Variants in PLPPR4 observed in about 807,000 individuals in gnomAD.
PLPPR4 encodes the protein phospholipid phosphatase related 4, also known as phospholipid phosphatase-related protein type 4.
Under a neutral mutation model 56.6 loss-of-function variants are expected in PLPPR4, and 24 were observed. The ratio of observed to expected loss-of-function variants is 0.42; its 90% CI spans 0.31 to 0.60. The LOEUF is 0.60. Ranked by LOEUF, PLPPR4 falls within the 20% of genes least tolerant of loss-of-function variation. The pLI is 0.13. For missense variants in PLPPR4, 654 were observed against 885.8 expected (o/e 0.74, Z 3.32); for synonymous variants, 326 against 328.1 (o/e 0.99, Z 0.07).
intron 6 of PLPPR4, among the ~76,000 whole-genome samples, chr1:99,305,242 A>G (rs1460992090): frequency 6.6e-6 from 1 of 152,282 alleles, no homozygotes; most frequent in South Asian, 2.1e-4. Flanking sequence ...ATATTGTTCT[A>G]TATTTTGTAC....
chr1:99,290,365 A>G (rs1486022857), intron 2 of PLPPR4, among the ~76,000 whole-genome samples: 2 of 152,128 alleles, frequency 1.3e-5, no homozygotes, highest in African/African-American at 4.8e-5. Context: ...TGGCCATACC[A>G]TCCAAAGCAA....
At chr1:99,264,978 TC>T (rs1210927198) in intron 1 of PLPPR4, among the ~76,000 whole-genome samples, 1 of 152,232 alleles carries the variant, frequency 6.6e-6, no homozygotes, top group Non-Finnish European at 1.5e-5. Flanking sequence ...GTGCACAACG[TC>T]CGCTAGTGCC....
chr1:99,290,852 T>C (rs1207407737), intron 2 of PLPPR4, among the ~76,000 whole-genome samples: 1 of 151,838 alleles, frequency 6.6e-6, no homozygotes, highest in Admixed American at 6.6e-5. Flanking sequence ...GGAAGAAAAC[T>C]TAGGCAGTAC....
upstream of PLPPR4, chr1:99,264,450 A>G (rs1196415632): frequency 1.3e-6 from 2 of 1,490,026 alleles, no homozygotes; most frequent in South Asian, 1.3e-5. Flanking sequence ...GGGGCGCTGC[A>G]TGCAGCGCGC....
intron 1 of PLPPR4, among the ~76,000 whole-genome samples, chr1:99,277,732 T>C (rs572978227): frequency 5.9e-5 from 9 of 152,262 alleles, no homozygotes; most frequent in African/African-American, 1.9e-4. Context: ...CAAACTGATA[T>C]CTTATCCTTC....
chr1:99,307,090 G>T lies in PLPPR4; in HGVS notation c.*80G>T, dbSNP rs756632893. On this transcript the variant is annotated 3_prime_UTR_variant, in exon 7 of 7. Coordinates refer to ENST00000370185, the MANE Select transcript of PLPPR4 (RefSeq NM_014839.5). ...CCTGTGTTCTGTTCCAGCGAATTGG[G>T]AAGTCTCACCAAGCTAGATTGTCTA... 18 of 1,488,090 alleles carry T rather than the reference G, an allele frequency of 1.2e-5. No homozygotes were observed. The highest frequency in any genetic ancestry group is 1.5e-5 in the Non-Finnish European group (17 of 1,116,536). 92.2% of individuals were successfully genotyped at this position (1,488,090 alleles called of 1,614,324 possible).
chr1:99,270,502 A>G (rs2100783692), intron 1 of PLPPR4, among the ~76,000 whole-genome samples: 1 of 152,382 alleles, frequency 6.6e-6, no homozygotes, highest in Middle Eastern at 3.4e-3. Flanking sequence ...GCCTTTGAGC[A>G]AAGACACACA....
chr1:99,306,373 C>T lies in PLPPR4; in HGVS notation c.1511C>T (p.Ser504Phe). The change falls in exon 7 of 7, where the codon TCT (serine) becomes TTT (phenylalanine). Residue 504 changes from serine (S) to phenylalanine (F), a missense_variant. By Grantham distance (155) the Ser-to-Phe change is radical. Coordinates refer to ENST00000370185, the MANE Select transcript of PLPPR4 (RefSeq NM_014839.5). This position sits in a 1 kb window ranked among gnomAD's most constrained non-coding sequence, Gnocchi z 4.0. ...ATAAGCACCTCCCCCAAAAGCAGCT[C>T]TGCTCGGGCCAAGTGGTTAAAAGCT... Reference protein sequence around the residue: ...ENISTSPKSSSARAKWLKAAE... With the variant: ...ENISTSPKSSFARAKWLKAAE... The T allele has an allele frequency of 6.2e-7, 1 of 1,614,180 alleles. No individual in the cohort carries two copies. Among genetic ancestry groups the T allele is most frequent in the Non-Finnish European group, 8.5e-7 (1 of 1,180,026 alleles).
chr1:99,275,614 T>C lies in PLPPR4; in HGVS notation c.78+10943T>C, dbSNP rs144836630. On this transcript the variant is annotated intron_variant, in intron 1 of 6. Transcript: ENST00000370185. ...TGAACCTCAGCTTTGGCTTTGGCCT[T>C]GGCCACATTATTCTTTGGCTGACCT... 2.4e-3 allele frequency among the ~76,000 whole-genome samples: 364 copies of C among 152,274 alleles called. 2 individuals are homozygous for C. Among genetic ancestry groups the C allele is most frequent in the African/African-American group, 8.6e-3 (356 of 41,560 alleles).
At chr1:99,283,834 C>T (rs1454746577) in intron 1 of PLPPR4, among the ~76,000 whole-genome samples, 1 of 152,114 alleles carries the variant, frequency 6.6e-6, no homozygotes, top group Non-Finnish European at 1.5e-5. Context: ...CTCCTGTAGT[C>T]CCAGCTACTC....
At chr1:99,282,777 G>A (rs948559303) in intron 1 of PLPPR4, among the ~76,000 whole-genome samples, 1 of 151,470 alleles carries the variant, frequency 6.6e-6, no homozygotes, top group Non-Finnish European at 1.5e-5. Flanking sequence ...TCTTTACCTG[G>A]TTTTCATATG....
chr1:99,301,068 C>A, intron 5 of PLPPR4, 102 bp downstream of exon 5: 3 of 1,032,236 alleles, frequency 2.9e-6, no homozygotes, highest in South Asian at 1.4e-5. Flanking sequence ...CATGTAATAA[C>A]AGAATGGTAA....
chr1:99,271,629 A>T (rs1659060955), intron 1 of PLPPR4, among the ~76,000 whole-genome samples: 1 of 152,042 alleles, frequency 6.6e-6, no homozygotes, highest in African/African-American at 2.4e-5. Flanking sequence ...TTAATTTTTG[A>T]CATGTCTAGA....
chr1:99,302,132 C>T (rs562340132), intron 6 of PLPPR4, among the ~76,000 whole-genome samples: 1 of 152,102 alleles, frequency 6.6e-6, no homozygotes, highest in East Asian at 1.9e-4. Flanking sequence ...TGTCTTTATG[C>T]CAACCAAACA....
At chr1:99,266,607 AT>A (rs1658906067) in intron 1 of PLPPR4, among the ~76,000 whole-genome samples, 1 of 152,246 alleles carries the variant, frequency 6.6e-6, no homozygotes, top group Non-Finnish European at 1.5e-5. Flanking sequence ...GCCTATTCAG[AT>A]ACCCTCTATG....
intron 1 of PLPPR4, among the ~76,000 whole-genome samples, chr1:99,270,909 A>G (rs1223516707): frequency 6.6e-6 from 1 of 152,218 alleles, no homozygotes; most frequent in African/African-American, 2.4e-5. Flanking sequence ...ATGCAAAATA[A>G]AGTAAATAGA....
chr1:99,264,263 A>T, upstream of PLPPR4: 1 of 580,158 alleles, frequency 1.7e-6, no homozygotes, highest in Non-Finnish European at 3.0e-6. Flanking sequence ...CAAGGGCGGT[A>T]GAGAGCTGAG....
chr1:99,270,206 A>G (rs1475976379), intron 1 of PLPPR4, among the ~76,000 whole-genome samples: 1 of 152,096 alleles, frequency 6.6e-6, no homozygotes, highest in Non-Finnish European at 1.5e-5. Flanking sequence ...TATAATTTTT[A>G]GTAGAGACAG....
At chr1:99,297,247 T>G (rs910218627) in intron 3 of PLPPR4, among the ~76,000 whole-genome samples, 7 of 152,146 alleles carry the variant, frequency 4.6e-5, no homozygotes, top group African/African-American at 1.7e-4. Flanking sequence ...TTAGCCACAT[T>G]AATGATTCCA....
Sources: gnomAD v4.1 joint callset for allele counts (sites outside exome capture counted in the v4.1 genomes callset) on GRCh38, gnomAD v4.1.1 for gene constraint, Gnocchi (gnomAD v3.1) non-coding constraint, MANE v1.5 for transcripts, NCBI Gene and HGNC (gene_info 2026-07-23, HGNC 2026-07-21) for gene names.